ADAM28: variants seen among roughly 807,000 people sequenced by gnomAD.
ADAM28 encodes disintegrin and metalloproteinase domain-containing protein 28.
ADAM28 carries 105 observed loss-of-function variants against 101.2 expected under a neutral mutation model. The observed-to-expected ratio is 1.04, with a 90% CI of 0.89 to 1.22. The LOEUF is 1.22. Ranked by LOEUF, ADAM28 falls within the 50% of genes most tolerant of loss-of-function variation. The pLI, the probability that ADAM28 is intolerant of heterozygous loss-of-function variation, is 0.00. For missense variants in ADAM28, 1,028 were observed against 945.4 expected (o/e 1.09, Z -1.15); for synonymous variants, 322 against 310.6 (o/e 1.04, Z -0.39).
intron 1 of ADAM28, among the ~76,000 whole-genome samples, chr8:24,298,999 C>T (rs994035730): frequency 6.6e-6 from 1 of 151,216 alleles, no homozygotes; most frequent in South Asian, 2.1e-4. Flanking sequence ...CAAGACCAGC[C>T]TGGGCAACAT....
intron 6 of ADAM28, among the ~76,000 whole-genome samples, chr8:24,318,052 A>G (rs1487096259): frequency 6.6e-6 from 1 of 152,042 alleles, no homozygotes; most frequent in Non-Finnish European, 1.5e-5. Flanking sequence ...TAGACAGAAA[A>G]ATGACATACA....
Position 24,335,498 on chromosome 8 carries a change from C to G in ADAM28, c.1424C>G (p.Pro475Arg). The G allele has an allele frequency of 6.2e-7, 1 of 1,614,082 alleles. No individual in the cohort carries two copies. Among genetic ancestry groups the G allele is most frequent in the Non-Finnish European group, 8.5e-7 (1 of 1,179,984 alleles). The change falls in exon 14 of 23, where the codon CCT (proline) becomes CGT (arginine). Residue 475 changes from proline (P) to arginine (R), a missense_variant. Pro to Arg is a moderately radical substitution (Grantham distance 103). Coordinates refer to ENST00000265769, the MANE Select transcript of ADAM28 (RefSeq NM_014265.6). Reference protein sequence around the residue: ...CRPAKDECDLPEMCNGKSGNC... With the variant: ...CRPAKDECDLREMCNGKSGNC... ...CCAGCAAAAGATGAGTGCGACCTGC[C>G]TGAAATGTGTAATGGTAAATCTGGT...
chr8:24,330,709 A>C (rs942283915), intron 11 of ADAM28, among the ~76,000 whole-genome samples: 1 of 152,168 alleles, frequency 6.6e-6, no homozygotes, highest in Non-Finnish European at 1.5e-5. Flanking sequence ...ATATGGCTGC[A>C]TGCCAGTTAC....
chr8:24,310,014 C>T (rs762081511), intron 3 of ADAM28, 44 bp downstream of exon 3: 27 of 1,502,284 alleles, frequency 1.8e-5, no homozygotes, highest in Non-Finnish European at 2.3e-5. Flanking sequence ...AAGAGCAAGG[C>T]AGCCTATGGA....
At chr8:24,325,889 A>AAAAAAAAAAAAAAAAAAAAC (rs1563297002) in intron 9 of ADAM28, among the ~76,000 whole-genome samples, 10 of 141,920 alleles carry the variant, frequency 7.0e-5, no homozygotes, top group African/African-American at 2.5e-4. Context: ...AAAAAAAAAA[A>AAAAAAAAAAAAAAAAAAAAC]AAAAAAAAAA....
At chr8:24,313,725 A>ATGAT (rs1810781889) in intron 6 of ADAM28, 145 bp downstream of exon 6, 1 of 824,766 alleles carries the variant, frequency 1.2e-6, no homozygotes, top group Non-Finnish European at 1.8e-6. Context: ...CTAGACATTA[A>ATGAT]TGATTCATTT....
chr8:24,334,147 T>A (rs1460228723), intron 13 of ADAM28, among the ~76,000 whole-genome samples: 1 of 152,198 alleles, frequency 6.6e-6, no homozygotes, highest in Non-Finnish European at 1.5e-5. Flanking sequence ...TCCAGTTTCT[T>A]ACTATTTAGA....
intron 1 of ADAM28, among the ~76,000 whole-genome samples, chr8:24,294,957 A>G (rs1456464039): frequency 2.6e-5 from 4 of 152,220 alleles, no homozygotes; most frequent in African/African-American, 7.2e-5. Flanking sequence ...TATTTAACTC[A>G]GCACATGAAC....
At chr8:24,327,589 A>C (rs1484876599) in intron 10 of ADAM28, among the ~76,000 whole-genome samples, 2 of 152,168 alleles carry the variant, frequency 1.3e-5, no homozygotes, top group Non-Finnish European at 2.9e-5. Flanking sequence ...GACAATCCTA[A>C]GAAAAAAGAA....
At position 24,320,265 on chromosome 8, in the gene ADAM28, T is replaced by A. The variant is rs1736326066; in HGVS notation, c.606T>A (p.His202Gln). 2 of 1,601,974 alleles carry A rather than the reference T, an allele frequency of 1.2e-6. No individual in the cohort carries two copies. Among genetic ancestry groups the A allele is most frequent in the African/African-American group, 2.7e-5 (2 of 74,410 alleles). The change falls in exon 7 of 23, where the codon CAT becomes CAA. Residue 202 changes from histidine to glutamine, a missense_variant. Physicochemically the swap from His to Gln is conservative, Grantham distance 24. Transcript: ENST00000265769. ...VKLKDRKVQE[H>Q]EKYIEYYLVL... The stretch of plus-strand genomic sequence containing the variant: ...TGAAAGACAGGAAGGTTCAGGAACA[T>A]GAGAAATACATAGAATATTATTTGG...
At chr8:24,301,587 G>C (rs1394518011) in intron 2 of ADAM28, among the ~76,000 whole-genome samples, 1 of 152,140 alleles carries the variant, frequency 6.6e-6, no homozygotes, top group Non-Finnish European at 1.5e-5. Context: ...AGAGATAGGG[G>C]CTCAGAAAAT....
At chr8:24,338,802 T>G (rs1814409936) in intron 14 of ADAM28, among the ~76,000 whole-genome samples, 1 of 152,122 alleles carries the variant, frequency 6.6e-6, no homozygotes, top group South Asian at 2.1e-4. Flanking sequence ...TCTCTGTGAC[T>G]TGATAGGATT....
intron 2 of ADAM28, among the ~76,000 whole-genome samples, chr8:24,302,781 A>C (rs1286047196): frequency 1.3e-5 from 2 of 151,858 alleles, no homozygotes; most frequent in Non-Finnish European, 2.9e-5. Flanking sequence ...TTTTTTTTAA[A>C]AATTATACCT....
intron 13 of ADAM28, among the ~76,000 whole-genome samples, chr8:24,334,728 A>C (rs1375793222): frequency 6.6e-6 from 1 of 152,190 alleles, no homozygotes; most frequent in East Asian, 1.9e-4. Flanking sequence ...CGCATTGAAA[A>C]CATACCTGCT....
chr8:24,344,622 A>G lies in ADAM28; in HGVS notation c.1990+1038A>G, dbSNP rs191652741. ...TTCCTATCTTTCTGAAGATTTTTAA[A>G]ATTATTTTTTCTAGTGCCCTATGAT... On this transcript the variant is annotated intron_variant, in intron 18 of 22. Transcript: ENST00000265769. Among the ~76,000 whole-genome samples the G allele has an allele frequency of 1.2e-3, 187 of 152,244 alleles. 3 individuals carry two copies. Among genetic ancestry groups the G allele is most frequent in the African/African-American group, 4.3e-3 (179 of 41,548 alleles).
intron 1 of ADAM28, among the ~76,000 whole-genome samples, chr8:24,294,959 C>T (rs573953079): frequency 6.6e-6 from 1 of 152,274 alleles, no homozygotes; most frequent in East Asian, 1.9e-4. Context: ...TTTAACTCAG[C>T]ACATGAACTG....
chr8:24,303,496 T>C (rs1249764429), intron 2 of ADAM28, among the ~76,000 whole-genome samples: 3 of 152,200 alleles, frequency 2.0e-5, no homozygotes, highest in Admixed American at 1.3e-4. Flanking sequence ...TTTCCATTGG[T>C]CTATGTGTCT....
At chr8:24,324,549 T>C (rs556117614) in intron 9 of ADAM28, among the ~76,000 whole-genome samples, 1 of 152,122 alleles carries the variant, frequency 6.6e-6, no homozygotes, top group Admixed American at 6.6e-5. Flanking sequence ...AAGGATTGAC[T>C]TGAAGTTACT....
chr8:24,296,964 A>G (rs1370430767), intron 1 of ADAM28, among the ~76,000 whole-genome samples: 2 of 152,170 alleles, frequency 1.3e-5, no homozygotes, highest in Non-Finnish European at 2.9e-5. Flanking sequence ...ATGGCTGTGT[A>G]ATTTGTTGTA....
Sources: gnomAD v4.1 joint callset for allele counts (sites outside exome capture counted in the v4.1 genomes callset) on GRCh38, gnomAD v4.1.1 for gene constraint, MANE v1.5 for transcripts, NCBI Gene and HGNC (gene_info 2026-07-23, HGNC 2026-07-21) for gene names.